NEK5: variants seen among roughly 807,000 people sequenced by gnomAD.
NEK5 encodes NIMA related kinase 5, also known as serine/threonine-protein kinase Nek5.
In NEK5, 88 loss-of-function variants were observed where a neutral mutation model predicts 109.2. The observed-to-expected ratio is 0.81, with a 90% CI of 0.68 to 0.96. NEK5 has a LOEUF of 0.96. Ranked by LOEUF, NEK5 falls within the 40% of genes least tolerant of loss-of-function variation. The pLI is 0.00. For synonymous variants in NEK5, 283 were observed against 299.9 expected (o/e 0.94, Z 0.58); for missense variants, 834 against 920.7 (o/e 0.91, Z 1.22).
intron 22 of NEK5, among the ~76,000 whole-genome samples, chr13:52,055,752 A>C (rs1267543053): frequency 6.6e-6 from 1 of 152,124 alleles, no homozygotes; most frequent in East Asian, 1.9e-4. Context: ...AAATGCTGAG[A>C]GATTTTGTCA....
In NEK5 at chr13:52,040,122, TC is replaced by T. The variant is rs367622111; in HGVS notation, c.2229-2905del. On this transcript the variant is annotated intron_variant, in intron 23 of 23. Transcript: ENST00000684899. Reference sequence around the variant, plus strand: ...TTTTTTGAGAGAAATCTCACTTTTGTCCCCCAGGCTTGAGTGCAATGGCTCA... The same window carrying T: ...TTTTTTGAGAGAAATCTCACTTTTGTCCCCAGGCTTGAGTGCAATGGCTCA... Among the ~76,000 whole-genome samples, 822 of 144,602 alleles carry T rather than the reference TC, an allele frequency of 5.7e-3. 6 individuals carry two copies. The highest frequency in any genetic ancestry group is 0.018 in the African/African-American group (730 of 39,526). 94.9% of individuals were successfully genotyped at this position (144,602 alleles called of 152,430 possible). A position where few individuals can be genotyped will look rare whatever the true frequency, so the allele number is the denominator to read the frequency against.
chr13:52,112,394 G>A (rs1566818007), intron 4 of NEK5, 29 bp from the exon 5 acceptor site: 3 of 1,419,502 alleles, frequency 2.1e-6, no homozygotes, highest in Non-Finnish European at 3.0e-6. Context: ...TTTGGTGCTG[G>A]AAGGATTTCA....
Position 52,033,695 on chromosome 13 carries a change from A to G in NEK5, c.*3253T>C, listed in dbSNP as rs568973715. 6.4e-6 allele frequency: 1 copy of G among 155,982 alleles called. No homozygotes were observed. Among genetic ancestry groups the G allele is most frequent in the African/African-American group, 2.4e-5 (1 of 41,578 alleles). The allele number at this position is 155,982 out of a possible 1,614,324, so 9.7% of individuals were successfully genotyped here. ...GTACACTTGATTTAAATAATTCTTGAGGGATTTTATAAGGTCATCTTATAG... is the reference window on the plus strand; with the variant it reads ...GTACACTTGATTTAAATAATTCTTGGGGGATTTTATAAGGTCATCTTATAG... On this transcript the variant is annotated 3_prime_UTR_variant, in exon 24 of 24. Transcript: ENST00000684899.
At chr13:52,080,701 G>C (rs985299081) in intron 17 of NEK5, among the ~76,000 whole-genome samples, 10 of 151,856 alleles carry the variant, frequency 6.6e-5, no homozygotes, top group African/African-American at 1.7e-4. Context: ...CAGCATGCTC[G>C]TTAAGAGTCA....
intron 23 of NEK5, among the ~76,000 whole-genome samples, chr13:52,046,979 T>C (rs921924862): frequency 2.2e-4 from 33 of 152,192 alleles, no homozygotes; most frequent in Admixed American, 1.8e-3. Context: ...GAAATAAAGA[T>C]GGCTCTTTAG....
intron 17 of NEK5, among the ~76,000 whole-genome samples, chr13:52,080,763 G>T (rs1201318468): frequency 1.4e-4 from 22 of 152,040 alleles, no homozygotes; most frequent in South Asian, 2.1e-4. Flanking sequence ...GCGGAAGGCC[G>T]CAGGGTCCTC....
chr13:52,076,885 A>G (rs1287086507), intron 17 of NEK5, among the ~76,000 whole-genome samples: 1 of 152,242 alleles, frequency 6.6e-6, no homozygotes, highest in Admixed American at 6.5e-5. Flanking sequence ...ACATGACCAG[A>G]AAGGTCCCTG....
chr13:52,044,968 C>G (rs1047746206), intron 23 of NEK5, among the ~76,000 whole-genome samples: 3 of 151,812 alleles, frequency 2.0e-5, no homozygotes, highest in Non-Finnish European at 4.4e-5. Context: ...AGCCTGAAAA[C>G]TCTAAGGAAG....
chr13:52,123,310 T>C (rs1302465811), intron 3 of NEK5, among the ~76,000 whole-genome samples: 1 of 152,226 alleles, frequency 6.6e-6, no homozygotes, highest in Non-Finnish European at 1.5e-5. Flanking sequence ...TACTTATTTA[T>C]GGCATAGTGA....
intron 22 of NEK5, among the ~76,000 whole-genome samples, chr13:52,055,483 A>G (rs1954546150): frequency 6.6e-6 from 1 of 152,204 alleles, no homozygotes; most frequent in South Asian, 2.1e-4. Flanking sequence ...GAGCAACTCC[A>G]AGACACATAA....
intron 4 of NEK5, among the ~76,000 whole-genome samples, chr13:52,119,031 A>C (rs1462320046): frequency 1.3e-5 from 2 of 152,162 alleles, no homozygotes; most frequent in African/African-American, 4.8e-5. Context: ...AAGTCACTTA[A>C]ATTTGGGGGT....
At chr13:52,106,479 C>A (rs1220660391) in intron 8 of NEK5, among the ~76,000 whole-genome samples, 1 of 152,038 alleles carries the variant, frequency 6.6e-6, no homozygotes, top group Non-Finnish European at 1.5e-5. Context: ...AGCATTACTG[C>A]TGAGGGCCAG....
At position 52,106,575 on chromosome 13, in the gene NEK5, G is replaced by A. The variant is rs534538253; in HGVS notation, c.554+1743C>T. 1.1e-4 allele frequency among the ~76,000 whole-genome samples: 16 copies of A among 152,158 alleles called. No homozygotes were observed. The South Asian group carries it at 1.9e-3, about 18-fold the overall frequency. ...GAGGTCAAGAATTCAAGACCAGCCCGACCAACATGGTGAAACCCCATCTCT... is the reference window on the plus strand; with the variant it reads ...GAGGTCAAGAATTCAAGACCAGCCCAACCAACATGGTGAAACCCCATCTCT... On this transcript the variant is annotated intron_variant, in intron 8 of 23. Transcript: ENST00000684899.
At chr13:52,050,049 G>T in intron 23 of NEK5, 55 bp downstream of exon 23, 1 of 615,814 alleles carries the variant, frequency 1.6e-6, no homozygotes, top group Non-Finnish European at 2.0e-6. Context: ...CTCAACTGCA[G>T]CATTTTCACT....
chr13:52,121,405 C>A lies in NEK5; in HGVS notation c.118-1990G>T, dbSNP rs563133621. The stretch of plus-strand genomic sequence containing the variant: ...GAACTCCTGGCCTCAAGTGATCTAG[C>A]TGCCTCAGCCTCCCAAAGTGCTGGG... On this transcript the variant is annotated intron_variant, in intron 3 of 23. Coordinates refer to ENST00000684899, the MANE Select transcript of NEK5 (RefSeq NM_001365552.1). Among the ~76,000 whole-genome samples the A allele has an allele frequency of 7.9e-5, 12 of 152,278 alleles. No individual in the cohort carries two copies. In the East Asian group the frequency reaches 1.7e-3, roughly 22 times the overall value.
Position 52,036,901 on chromosome 13 carries a change from C to T in NEK5, c.*47G>A, listed in dbSNP as rs1954365213. On this transcript the variant is annotated 3_prime_UTR_variant, in exon 24 of 24. Coordinates refer to ENST00000684899, the MANE Select transcript of NEK5 (RefSeq NM_001365552.1). ...TTTATGACTTGTACCCAAATAAATA[C>T]TATAGGTAATAGACACTAACTTATT... is the stretch of plus-strand genomic sequence containing the variant. 2.3e-6 allele frequency: 2 copies of T among 880,374 alleles called. No individual in the cohort carries two copies. Among genetic ancestry groups the T allele is most frequent in the South Asian group, 1.0e-4 (2 of 19,182 alleles). The allele number at this position is 880,374 out of a possible 1,614,324, so 54.5% of individuals were successfully genotyped here. A position where few individuals can be genotyped will look rare whatever the true frequency, so the allele number is the denominator to read the frequency against.
chr13:52,083,605 T>C (rs921607759), intron 16 of NEK5, among the ~76,000 whole-genome samples: 1 of 151,768 alleles, frequency 6.6e-6, no homozygotes, highest in Non-Finnish European at 1.5e-5. Flanking sequence ...GGTGCGATCT[T>C]GGCTCACTGC....
intron 8 of NEK5, 98 bp downstream of exon 8, chr13:52,108,220 A>G: frequency 1.4e-6 from 1 of 737,522 alleles, no homozygotes; most frequent in Non-Finnish European, 2.3e-6. Context: ...GTACCATAAG[A>G]AAGAAAGAAG....
At chr13:52,063,617 T>G (rs1407068130) in intron 21 of NEK5, among the ~76,000 whole-genome samples, 1 of 148,226 alleles carries the variant, frequency 6.7e-6, no homozygotes, top group Admixed American at 6.7e-5. Context: ...CCATCCCATC[T>G]AGGAAGTGAG....
Sources: gnomAD v4.1 joint callset for allele counts (sites outside exome capture counted in the v4.1 genomes callset) on GRCh38, gnomAD v4.1.1 for gene constraint, MANE v1.5 for transcripts, NCBI Gene and HGNC (gene_info 2026-07-23, HGNC 2026-07-21) for gene names.